The following SLC30A8 variants were observed in gnomAD, a reference collection of about 807,000 sequenced individuals.
The protein encoded by SLC30A8 is proton-coupled zinc antiporter SLC30A8.
A neutral mutation model predicts 36.9 loss-of-function variants in SLC30A8; 27 were observed. The observed-to-expected ratio is 0.73, with a 90% confidence interval of 0.54 to 1.01. SLC30A8 has a LOEUF of 1.01. Ranked by LOEUF, SLC30A8 falls within the 50% of genes least tolerant of loss-of-function variation. The probability of loss-of-function intolerance (pLI) is 0.00; values close to 1 mark genes in which losing one functional copy is unlikely to be tolerated. For missense variants in SLC30A8, 439 were observed against 452.0 expected, an observed-to-expected ratio of 0.97 and a Z score of 0.26; for synonymous variants, 164 against 172.4, an observed-to-expected ratio of 0.95 and a Z score of 0.38.
chr8:117,125,767 G>A (rs574599493), intron 2 of SLC30A8, among the ~76,000 whole-genome samples: 1 of 151,878 alleles, frequency 6.6e-6, no homozygotes, highest in Non-Finnish European at 1.5e-5. Flanking sequence ...TAATAAATTG[G>A]TTCTCTCCAT....
At chr8:117,065,936 G>A (rs1254372131) in intron 2 of SLC30A8, among the ~76,000 whole-genome samples, 1 of 152,160 alleles carries the variant, frequency 6.6e-6, no homozygotes, top group Non-Finnish European at 1.5e-5. Flanking sequence ...CTGCCCCTTA[G>A]CAAAACTGAG....
At chr8:117,156,617 T>C (rs6469677) in intron 3 of SLC30A8, among the ~76,000 whole-genome samples, 58,366 of 151,994 alleles carry the variant, frequency 0.38, 14,183 homozygotes, top group African/African-American at 0.69. Flanking sequence ...TTAAGTGTCA[T>C]ATGGACAATA....
chr8:117,151,090 G>C (rs772474337), intron 2 of SLC30A8, among the ~76,000 whole-genome samples: 14 of 152,072 alleles, frequency 9.2e-5, no homozygotes, highest in Admixed American at 2.0e-4. Context: ...CATACCTTCT[G>C]CTTTTCCCGA....
intron 2 of SLC30A8, among the ~76,000 whole-genome samples, chr8:117,147,888 C>G (rs944845406): frequency 6.6e-6 from 1 of 151,974 alleles, no homozygotes; most frequent in Non-Finnish European, 1.5e-5. Context: ...TTTTTGCATG[C>G]TTATTAGTGA....
chr8:117,053,802 T>C (rs1817785389), intron 2 of SLC30A8, among the ~76,000 whole-genome samples: 1 of 152,154 alleles, frequency 6.6e-6, no homozygotes, highest in Non-Finnish European at 1.5e-5. Flanking sequence ...CAGGCAGGGA[T>C]TTTTAGGTTT....
chr8:117,024,898 A>C (rs1394738147), intron 1 of SLC30A8, among the ~76,000 whole-genome samples: 1 of 152,164 alleles, frequency 6.6e-6, no homozygotes, highest in Non-Finnish European at 1.5e-5. Flanking sequence ...TGCTGAACAA[A>C]TCAACCCATC....
chr8:117,081,663 T>G (rs1173714216), intron 2 of SLC30A8, among the ~76,000 whole-genome samples: 2 of 152,140 alleles, frequency 1.3e-5, no homozygotes, highest in East Asian at 3.9e-4. Flanking sequence ...AAGGAGACCC[T>G]CCCCTATTTG....
intron 1 of SLC30A8, among the ~76,000 whole-genome samples, chr8:117,137,230 C>G (rs1821406715): frequency 6.6e-6 from 1 of 151,952 alleles, no homozygotes; most frequent in African/African-American, 2.4e-5. Context: ...CTTCCCCCAC[C>G]TCTACCAATC....
chr8:117,147,592 G>A (rs996471777), intron 2 of SLC30A8: 1 of 157,882 alleles, frequency 6.3e-6, no homozygotes, highest in African/African-American at 2.4e-5. Context: ...ATGCTGCAAT[G>A]CAAAATCTTG....
intron 1 of SLC30A8, among the ~76,000 whole-genome samples, chr8:117,029,967 T>C (rs1447060621): frequency 1.3e-5 from 2 of 152,230 alleles, no homozygotes; most frequent in African/African-American, 4.8e-5. Flanking sequence ...TGTTTGTTTT[T>C]TTAAAACTAA....
Position 117,161,854 on chromosome 8 carries a change from G to T in SLC30A8, c.689G>T (p.Ser230Ile). The change falls in exon 5 of 8, where the codon AGT becomes ATT. Residue 230 changes from serine to isoleucine, a missense_variant. Ser to Ile is a moderately radical substitution (Grantham distance 142). Coordinates refer to ENST00000456015, the MANE Select transcript of SLC30A8 (RefSeq NM_173851.3). Reference sequence around the variant, plus strand: ...CTTGGAGATCTATTTCAGAGTATCAGTGTGCTAATTAGTGCACTTATTATC... The same window carrying T: ...CTTGGAGATCTATTTCAGAGTATCATTGTGCTAATTAGTGCACTTATTATC... The part of the protein sequence containing the change: ...HALGDLFQSI[S>I]VLISALIIYF... The T allele has an allele frequency of 6.2e-7, 1 of 1,613,928 alleles. No homozygotes were observed. The highest frequency in any genetic ancestry group is 8.5e-7 in the Non-Finnish European group (1 of 1,179,872).
In SLC30A8 at chr8:117,071,834, T is replaced by G. The variant is rs112787786; in HGVS notation, c.-226+32576T>G. On this transcript the variant is annotated intron_variant, in intron 2 of 10. Coordinates refer to the SLC30A8 transcript ENST00000427715. ...TTAACTGTATACTAGATTTACCATTTTAATAAACATGCTAGTTTTTCTCTG... is the reference window on the plus strand; with the variant it reads ...TTAACTGTATACTAGATTTACCATTGTAATAAACATGCTAGTTTTTCTCTG... Among the ~76,000 whole-genome samples, 713 of 152,332 alleles carry G rather than the reference T, an allele frequency of 4.7e-3. 5 individuals carry two copies. The highest frequency in any genetic ancestry group is 0.016 in the African/African-American group (684 of 41,564).
chr8:117,028,193 T>G (rs1204606364), intron 1 of SLC30A8, among the ~76,000 whole-genome samples: 1 of 152,172 alleles, frequency 6.6e-6, no homozygotes, highest in East Asian at 1.9e-4. Flanking sequence ...AAGATTTTTG[T>G]CTAATCTCAT....
At chr8:117,055,255 G>C (rs1370374719) in intron 2 of SLC30A8, among the ~76,000 whole-genome samples, 1 of 152,148 alleles carries the variant, frequency 6.6e-6, no homozygotes, top group Non-Finnish European at 1.5e-5. Flanking sequence ...TTTCTAATTG[G>C]AAAAAGATGA....
At chr8:117,036,105 G>GA (rs1359436768) in intron 1 of SLC30A8, among the ~76,000 whole-genome samples, 1 of 141,408 alleles carries the variant, frequency 7.1e-6, no homozygotes, top group Non-Finnish European at 1.6e-5. Context: ...CAGCCAGTTT[G>GA]AATTCCCCCC....
intron 1 of SLC30A8, among the ~76,000 whole-genome samples, chr8:116,994,339 A>C (rs1424457222): frequency 6.6e-6 from 1 of 152,136 alleles, no homozygotes; most frequent in Non-Finnish European, 1.5e-5. Flanking sequence ...ATCCGTGCAC[A>C]GAAAAGAATG....
chr8:117,057,534 T>TA (rs2130781406), intron 2 of SLC30A8, among the ~76,000 whole-genome samples: 1 of 152,214 alleles, frequency 6.6e-6, no homozygotes, highest in East Asian at 1.9e-4. Flanking sequence ...CTCCAACCCC[T>TA]ACCCTCTGGA....
chr8:117,135,390 A>T lies in SLC30A8; in HGVS notation c.63A>T (p.Thr21=). The change falls in exon 1 of 8, where the codon ACA becomes ACT. Residue 21 remains threonine (T), a synonymous_variant. Transcript: ENST00000456015. ...AAGCTGCCAAGATGTATGCTTTCACACTAGAAAGGTAATAGATGTCTGTGT... is the reference window on the plus strand; with the variant it reads ...AAGCTGCCAAGATGTATGCTTTCACTCTAGAAAGGTAATAGATGTCTGTGT... The part of the protein sequence containing the change: ...NDKAAKMYAF[T]LESVELQQKP... 6.3e-7 allele frequency: 1 copy of T among 1,595,880 alleles called. No homozygotes were observed. The highest frequency in any genetic ancestry group is 8.6e-7 in the Non-Finnish European group (1 of 1,168,960).
intron 2 of SLC30A8, among the ~76,000 whole-genome samples, chr8:117,101,490 G>C (rs558886524): frequency 6.6e-6 from 1 of 152,272 alleles, no homozygotes; most frequent in East Asian, 1.9e-4. Context: ...TTCAATTTTA[G>C]AGTAATAGAG....
Sources: allele counts gnomAD v4.1 joint callset (sites outside exome capture counted in the v4.1 genomes callset), GRCh38; gene constraint gnomAD v4.1.1; transcripts MANE v1.5; gene names NCBI Gene and HGNC (gene_info 2026-07-23, HGNC 2026-07-21).